EPB41L2: variants seen among roughly 807,000 people sequenced by gnomAD.
EPB41L2 encodes erythrocyte membrane protein band 4.1 like 2.
EPB41L2 carries 43 observed loss-of-function variants against 113.0 expected under a neutral mutation model. That is an observed-to-expected ratio of 0.38 (90% CI 0.30 to 0.49). The LOEUF is 0.49. Among genes scored for constraint, EPB41L2 ranks in the 20% least tolerant of loss-of-function variants. The pLI is 0.95. For missense variants in EPB41L2, 1,147 were observed against 1,223.4 expected, an observed-to-expected ratio of 0.94 and a Z score of 0.93; for synonymous variants, 442 against 436.7, an observed-to-expected ratio of 1.01 and a Z score of -0.15.
At chr6:130,891,077 C>T (rs985176883) in intron 10 of EPB41L2, among the ~76,000 whole-genome samples, 2 of 152,152 alleles carry the variant, frequency 1.3e-5, no homozygotes, top group African/African-American at 2.4e-5. Flanking sequence ...GCAAATGGAC[C>T]AATCTTTTTG....
At chr6:130,914,507 C>T (rs1238025787) in intron 4 of EPB41L2, among the ~76,000 whole-genome samples, 2 of 147,726 alleles carry the variant, frequency 1.4e-5, no homozygotes, top group Admixed American at 1.3e-4. Context: ...AAAGTATTAT[C>T]CAGTTTGGCC....
chr6:131,036,409 A>G (rs1167481093), intron 1 of EPB41L2, among the ~76,000 whole-genome samples: 1 of 152,188 alleles, frequency 6.6e-6, no homozygotes, highest in African/African-American at 2.4e-5. Context: ...TAATAAAACA[A>G]TAATAGCATC....
intron 14 of EPB41L2, among the ~76,000 whole-genome samples, chr6:130,875,063 C>T (rs1307173686): frequency 6.6e-6 from 1 of 152,172 alleles, no homozygotes; most frequent in Non-Finnish European, 1.5e-5. Context: ...CTTGGTTTAG[C>T]TTCATGACAT....
At chr6:130,961,248 C>T (rs1773436614) in intron 1 of EPB41L2, among the ~76,000 whole-genome samples, 2 of 152,276 alleles carry the variant, frequency 1.3e-5, no homozygotes, top group South Asian at 4.2e-4. Context: ...GAACAGCCCG[C>T]CCATTAGACA....
chr6:130,974,078 C>T (rs780168411), intron 1 of EPB41L2, among the ~76,000 whole-genome samples: 10 of 152,142 alleles, frequency 6.6e-5, no homozygotes, highest in Non-Finnish European at 1.3e-4. Context: ...AACTGAATTG[C>T]ATCACCCTAA....
chr6:130,972,098 C>T (rs948435030), intron 1 of EPB41L2, among the ~76,000 whole-genome samples: 1 of 152,018 alleles, frequency 6.6e-6, no homozygotes, highest in South Asian at 2.1e-4. Context: ...CCGATGTGGA[C>T]GAATCACTTG....
Position 130,865,640 on chromosome 6 carries a change from G to A in EPB41L2, c.2731-6C>T, listed in dbSNP as rs1268362608. 3 of 1,613,932 alleles carry A rather than the reference G, an allele frequency of 1.9e-6. No individual in the cohort carries two copies. The highest frequency in any genetic ancestry group is 2.5e-6 in the Non-Finnish European group (3 of 1,179,844). ...CCACCAGCCCCGCCATCAATCTTTG[G>A]ATAGTTGGGGGAAAAATACAAAGTA... On this transcript the variant is annotated splice_region_variant and splice_polypyrimidine_tract_variant and intron_variant, in intron 16 of 19. Coordinates refer to ENST00000337057, the MANE Select transcript of EPB41L2 (RefSeq NM_001431.4).
In EPB41L2 at chr6:130,840,175, C is replaced by T. The variant is rs556145443; in HGVS notation, c.*429G>A. The stretch of plus-strand genomic sequence containing the variant: ...AATCCAGAAGAAGGAAAGCCACTAT[C>T]TAAATTAGTCACAGAGTTTCCTTTC... On this transcript the variant is annotated 3_prime_UTR_variant, in exon 20 of 20. Transcript: ENST00000337057. The T allele has an allele frequency of 6.6e-6, 1 of 152,568 alleles. No homozygotes were observed. The highest frequency in any genetic ancestry group is 1.5e-5 in the Non-Finnish European group (1 of 68,036). The allele number at this position is 152,568 out of a possible 1,614,324, so 9.5% of individuals were successfully genotyped here.
intron 1 of EPB41L2, among the ~76,000 whole-genome samples, chr6:131,006,624 C>T (rs949578580): frequency 1.4e-4 from 8 of 57,368 alleles, no homozygotes; most frequent in African/African-American, 7.3e-4. Context: ...GAGCCGAGAT[C>T]GCACCACTGA....
chr6:130,867,805 C>G, intron 15 of EPB41L2: 1 of 492,502 alleles, frequency 2.0e-6, no homozygotes, highest in East Asian at 3.9e-5. Context: ...TAGATACGTA[C>G]ATATATATGA....
chr6:131,008,435 C>T (rs1786111889), intron 1 of EPB41L2, among the ~76,000 whole-genome samples: 1 of 152,268 alleles, frequency 6.6e-6, no homozygotes, highest in African/African-American at 2.4e-5. Context: ...AGAAGTCGAG[C>T]TCTCAGAAAG....
intron 16 of EPB41L2, among the ~76,000 whole-genome samples, chr6:130,866,913 T>C (rs955798836): frequency 9.2e-5 from 14 of 152,250 alleles, no homozygotes; most frequent in African/African-American, 3.1e-4. Flanking sequence ...AATGACTACA[T>C]AGGTCTTTAG....
At chr6:131,000,117 GA>G (rs1424388022) in intron 1 of EPB41L2, among the ~76,000 whole-genome samples, 1 of 150,906 alleles carries the variant, frequency 6.6e-6, no homozygotes, top group African/African-American at 2.5e-5. Context: ...ATTTCCTATA[GA>G]TGTAAATACC....
chr6:130,931,108 T>C (rs1806670767), intron 3 of EPB41L2, among the ~76,000 whole-genome samples: 1 of 151,946 alleles, frequency 6.6e-6, no homozygotes, highest in African/African-American at 2.4e-5. Context: ...TCTACAAATA[T>C]CTCATCAGAG....
intron 1 of EPB41L2, among the ~76,000 whole-genome samples, chr6:130,978,047 A>C (rs1778569310): frequency 6.6e-6 from 1 of 152,196 alleles, no homozygotes; most frequent in Non-Finnish European, 1.5e-5. Flanking sequence ...AATTTGTAGA[A>C]GGAAAATTCT....
intron 1 of EPB41L2, among the ~76,000 whole-genome samples, chr6:131,030,018 C>A (rs1042040185): frequency 6.6e-6 from 1 of 151,910 alleles, no homozygotes; most frequent in Non-Finnish European, 1.5e-5. Flanking sequence ...AACCACTGTT[C>A]GCAGTTCCTC....
intron 19 of EPB41L2, among the ~76,000 whole-genome samples, chr6:130,849,267 T>C (rs1010502156): frequency 6.6e-6 from 1 of 152,216 alleles, no homozygotes; most frequent in Non-Finnish European, 1.5e-5. Flanking sequence ...TTGCTGACTA[T>C]CTTCTAATGT....
At chr6:130,993,629 A>G (rs1182748287) in intron 1 of EPB41L2, among the ~76,000 whole-genome samples, 1 of 152,120 alleles carries the variant, frequency 6.6e-6, no homozygotes, top group African/African-American at 2.4e-5. Flanking sequence ...TTCAGGGGGT[A>G]TGTGTCTTCC....
chr6:130,983,237 CAACAGA>C (rs1369794542), intron 1 of EPB41L2, among the ~76,000 whole-genome samples: 1 of 152,176 alleles, frequency 6.6e-6, no homozygotes, highest in Admixed American at 6.5e-5. Context: ...ATATACGTAT[CAACAGA>C]GGCTTGCCTG....
Sources: allele counts gnomAD v4.1 joint callset (sites outside exome capture counted in the v4.1 genomes callset), GRCh38; gene constraint gnomAD v4.1.1; transcripts MANE v1.5; gene names NCBI Gene and HGNC (gene_info 2026-07-23, HGNC 2026-07-21).